The following TLN2 variants were observed in gnomAD, a reference collection of about 807,000 sequenced individuals.
TLN2 encodes talin 2.
A neutral mutation model predicts 294.7 loss-of-function variants in TLN2; 118 were observed. That is an observed-to-expected ratio of 0.40 (90% CI 0.34 to 0.47). The LOEUF is 0.47. Ranked by LOEUF, TLN2 falls within the 20% of genes least tolerant of loss-of-function variation. The probability of loss-of-function intolerance (pLI) is 0.84; values close to 1 mark genes in which losing one functional copy is unlikely to be tolerated. For missense variants in TLN2, 3,083 were observed against 3,282.2 expected (o/e 0.94, Z 1.48); for synonymous variants, 1,431 against 1,304.5 (o/e 1.10, Z -2.09).
chr15:62,587,240 A>G (rs948376878), intron 1 of TLN2, among the ~76,000 whole-genome samples: 9 of 152,236 alleles, frequency 5.9e-5, no homozygotes, highest in African/African-American at 2.2e-4. Context: ...AGGAGAGTGG[A>G]CATTGATATC....
intron 3 of TLN2, chr15:62,645,175 T>G (rs947684982): frequency 6.5e-6 from 1 of 154,028 alleles, no homozygotes; most frequent in African/African-American, 2.4e-5. Context: ...GGGGAGTTGC[T>G]GGGTTAACTA....
intron 24 of TLN2, among the ~76,000 whole-genome samples, chr15:62,719,515 C>T (rs1156753009): frequency 1.3e-5 from 2 of 152,254 alleles, no homozygotes; most frequent in South Asian, 2.1e-4. Flanking sequence ...CATAGACAAT[C>T]ATCTTCGAAG....
chr15:62,608,078 T>C (rs1468775382), intron 2 of TLN2, among the ~76,000 whole-genome samples: 1 of 152,230 alleles, frequency 6.6e-6, no homozygotes, highest in Non-Finnish European at 1.5e-5. Flanking sequence ...AAATATTAAG[T>C]TGGTCTACTA....
chr15:62,647,536 C>G (rs764065913), intron 4 of TLN2, 90 bp downstream of exon 4: 41 of 1,559,138 alleles, frequency 2.6e-5, no homozygotes, highest in Non-Finnish European at 3.4e-5. Flanking sequence ...AAGTGGTACA[C>G]AAGCCTATTA....
intron 45 of TLN2, among the ~76,000 whole-genome samples, chr15:62,789,723 C>A (rs909286959): frequency 1.3e-5 from 2 of 152,172 alleles, no homozygotes; most frequent in Non-Finnish European, 2.9e-5. Context: ...GGACTCTGCA[C>A]GGGAGCAGGA....
chr15:62,603,320 A>G (rs759338605), intron 2 of TLN2, among the ~76,000 whole-genome samples: 2 of 152,198 alleles, frequency 1.3e-5, no homozygotes, highest in East Asian at 1.9e-4. Flanking sequence ...AAATGTGTGC[A>G]TACTTTTGTA....
intron 3 of TLN2, among the ~76,000 whole-genome samples, chr15:62,628,975 T>C (rs1052172948): frequency 2.0e-5 from 3 of 152,178 alleles, no homozygotes; most frequent in Non-Finnish European, 2.9e-5. Flanking sequence ...GGCAGGAGGA[T>C]TGCTTGAGCC....
chr15:62,740,072 T>A (rs1296503595), intron 31 of TLN2, among the ~76,000 whole-genome samples: 2 of 147,894 alleles, frequency 1.4e-5, no homozygotes, highest in Admixed American at 1.3e-4. Context: ...TCTGCGCTCC[T>A]TTGACCTCCC....
chr15:62,497,416 C>G (rs1186637041), intron 1 of TLN2, among the ~76,000 whole-genome samples: 1 of 152,220 alleles, frequency 6.6e-6, no homozygotes, highest in African/African-American at 2.4e-5. Context: ...GTTAGATCCT[C>G]TCTGGGTGAT....
intron 41 of TLN2, among the ~76,000 whole-genome samples, chr15:62,769,853 C>T (rs2063241879): frequency 6.6e-6 from 1 of 152,160 alleles, no homozygotes; most frequent in Non-Finnish European, 1.5e-5. Flanking sequence ...CAGAATGAGG[C>T]ATTGAACAGA....
chr15:62,583,380 C>G (rs2045306308), intron 1 of TLN2, among the ~76,000 whole-genome samples: 1 of 152,178 alleles, frequency 6.6e-6, no homozygotes. Context: ...AATTAGACTT[C>G]TATTGAAAAC....
intron 3 of TLN2, among the ~76,000 whole-genome samples, chr15:62,633,891 C>T (rs899254892): frequency 1.3e-5 from 2 of 152,132 alleles, no homozygotes; most frequent in African/African-American, 2.4e-5. Context: ...CCTCTGAAGG[C>T]TGTGAGGGAA....
chr15:62,510,389 A>G (rs1436685335), intron 1 of TLN2, among the ~76,000 whole-genome samples: 1 of 152,218 alleles, frequency 6.6e-6, no homozygotes, highest in Non-Finnish European at 1.5e-5. Context: ...TCTGAGCTTC[A>G]GTTCCTTAAG....
At chr15:62,507,197 A>G (rs551891005) in intron 1 of TLN2, among the ~76,000 whole-genome samples, 10 of 152,202 alleles carry the variant, frequency 6.6e-5, no homozygotes, top group Non-Finnish European at 1.5e-4. Flanking sequence ...ATTAAAAGAT[A>G]CTGTTCTTTT....
At chr15:62,499,816 TA>T (rs2039209606) in intron 1 of TLN2, among the ~76,000 whole-genome samples, 1 of 151,976 alleles carries the variant, frequency 6.6e-6, no homozygotes, top group Non-Finnish European at 1.5e-5. Context: ...TAGGTCAGGC[TA>T]GTCTCGAACT....
At chr15:62,524,653 G>A (rs988146975) in intron 1 of TLN2, among the ~76,000 whole-genome samples, 5 of 152,222 alleles carry the variant, frequency 3.3e-5, no homozygotes, top group African/African-American at 1.2e-4. Flanking sequence ...GTAAATGTCA[G>A]TAAATGATAC....
chr15:62,658,358 C>A (rs1024085274), intron 9 of TLN2, among the ~76,000 whole-genome samples: 1 of 152,098 alleles, frequency 6.6e-6, no homozygotes, highest in Non-Finnish European at 1.5e-5. Context: ...GAGAGGATAA[C>A]GGAGAGGCTT....
At position 62,644,831 on chromosome 15, in the gene TLN2, T is replaced by C. The variant is rs565480828; in HGVS notation, c.-36-2444T>C. ...TCTCTCTTGGCTTCAGTGGAATCTCTCTCTGCATGGTTAGGGGGACCATTC... is the reference window on the plus strand; with the variant it reads ...TCTCTCTTGGCTTCAGTGGAATCTCCCTCTGCATGGTTAGGGGGACCATTC... On this transcript the variant is annotated intron_variant, in intron 3 of 58. Coordinates refer to ENST00000636159, the MANE Select transcript of TLN2 (RefSeq NM_015059.3). The C allele has an allele frequency of 1.5e-5, 5 of 332,004 alleles. No individual in the cohort carries two copies. The Admixed American group carries it at 2.1e-4, about 14-fold the overall frequency. The allele number at this position is 332,004 out of a possible 1,614,324, so 20.6% of individuals were successfully genotyped here.
intron 1 of TLN2, among the ~76,000 whole-genome samples, chr15:62,452,229 G>A (rs963766429): frequency 2.0e-5 from 3 of 152,124 alleles, no homozygotes; most frequent in Admixed American, 1.3e-4. Context: ...GAGGGCTTGC[G>A]AAAAGTCCGT....
Sources: gnomAD v4.1 joint callset for allele counts (sites outside exome capture counted in the v4.1 genomes callset) on GRCh38, gnomAD v4.1.1 for gene constraint, MANE v1.5 for transcripts, NCBI Gene and HGNC (gene_info 2026-07-23, HGNC 2026-07-21) for gene names.